The following NFATC2 variants were observed in gnomAD, a reference collection of about 807,000 sequenced individuals.
The protein encoded by NFATC2 is nuclear factor of activated T-cells, cytoplasmic 2.
NFATC2 carries 22 observed loss-of-function variants against 87.3 expected under a neutral mutation model. The ratio of observed to expected loss-of-function variants is 0.25; its 90% confidence interval spans 0.18 to 0.36. The LOEUF is 0.36. NFATC2 is among the 10% of genes least tolerant of loss of function. The pLI is 1.00. For missense variants in NFATC2, 1,149 were observed against 1,259.1 expected (o/e 0.91, Z 1.32); for synonymous variants, 565 against 542.2 (o/e 1.04, Z -0.58).
At chr20:51,473,210 C>T (rs1988398344) in intron 5 of NFATC2, among the ~76,000 whole-genome samples, 1 of 152,152 alleles carries the variant, frequency 6.6e-6, no homozygotes, top group Non-Finnish European at 1.5e-5. Context: ...TCTGGGTGTC[C>T]TTATCCTCTC....
intron 1 of NFATC2, among the ~76,000 whole-genome samples, chr20:51,525,919 A>ACCGACC (rs2076537584): frequency 9.9e-6 from 1 of 101,030 alleles, no homozygotes; most frequent in Admixed American, 1.1e-4. Context: ...CCGGCCTGCC[A>ACCGACC]CCCACCCCCA....
chr20:51,534,493 C>T (rs990953188), intron 1 of NFATC2, among the ~76,000 whole-genome samples: 4 of 152,180 alleles, frequency 2.6e-5, no homozygotes, highest in Non-Finnish European at 5.9e-5. Context: ...TGCCACCATG[C>T]CCAGCTAATT....
At chr20:51,488,913 G>A (rs183942319) in intron 3 of NFATC2, among the ~76,000 whole-genome samples, 3 of 152,358 alleles carry the variant, frequency 2.0e-5, no homozygotes, top group Non-Finnish European at 4.4e-5. Context: ...TTCAAGCTGG[G>A]CGCAGTGGCT....
intron 6 of NFATC2, among the ~76,000 whole-genome samples, chr20:51,453,794 A>C: frequency 6.6e-6 from 1 of 152,222 alleles, no homozygotes; most frequent in East Asian, 1.9e-4. Flanking sequence ...TGGGGGTGAA[A>C]CTATGACTGA....
At chr20:51,477,622 G>T (rs1172328629) in intron 3 of NFATC2, among the ~76,000 whole-genome samples, 1 of 139,120 alleles carries the variant, frequency 7.2e-6, no homozygotes. Flanking sequence ...AGAGTTTGAT[G>T]ATGTGTTCCT....
At chr20:51,557,712 G>C (rs2076990273) in intron 1 of NFATC2, among the ~76,000 whole-genome samples, 1 of 152,124 alleles carries the variant, frequency 6.6e-6, no homozygotes. Flanking sequence ...GAATGCTGTG[G>C]TCCTAACAAG....
At chr20:51,506,944 G>C (rs2076193441) in intron 3 of NFATC2, among the ~76,000 whole-genome samples, 1 of 152,214 alleles carries the variant, frequency 6.6e-6, no homozygotes, top group Non-Finnish European at 1.5e-5. Flanking sequence ...CTAGGTCCAG[G>C]ACTCAGGTCA....
At chr20:51,412,728 G>A (rs1429298871) in intron 9 of NFATC2, among the ~76,000 whole-genome samples, 1 of 152,138 alleles carries the variant, frequency 6.6e-6, no homozygotes, top group African/African-American at 2.4e-5. Context: ...GGGTCCACGG[G>A]GATGCTATCT....
chr20:51,499,986 G>A (rs764701688), intron 3 of NFATC2, among the ~76,000 whole-genome samples: 2 of 152,058 alleles, frequency 1.3e-5, no homozygotes, highest in African/African-American at 4.8e-5. Context: ...GATCTGAGTC[G>A]TGGCTCTGCC....
Position 51,523,636 on chromosome 20 carries a change from C to A in NFATC2, c.605G>T (p.Cys202Phe), listed in dbSNP as rs758786028. ...SPNNGGPDDL[C>F]PQFQNIPAHY... ...AGCAGGGATGTTTTGAAACTGCGGA[C>A]ACAGGTCGTCGGGCCCGCCGTTATT... The change falls in exon 2 of 11, where the codon TGT becomes TTT. Residue 202 changes from cysteine to phenylalanine, a missense_variant. Cys to Phe is a radical substitution (Grantham distance 205). Coordinates refer to ENST00000371564, the MANE Select transcript of NFATC2 (RefSeq NM_012340.5). The surrounding 1 kb of genome is among the most constrained non-coding windows in gnomAD (Gnocchi z 6.9). 1.2e-6 allele frequency: 2 copies of A among 1,613,804 alleles called. No individual in the cohort carries two copies. The highest frequency in any genetic ancestry group is 1.1e-5 in the South Asian group (1 of 91,082).
At chr20:51,493,505 GAC>G (rs1264219642) in intron 3 of NFATC2, among the ~76,000 whole-genome samples, 15 of 152,172 alleles carry the variant, frequency 9.9e-5, no homozygotes, top group African/African-American at 2.2e-4. Flanking sequence ...GTCCCAGACT[GAC>G]ACAGTGAATC....
chr20:51,506,496 A>T (rs987111817), intron 3 of NFATC2, among the ~76,000 whole-genome samples: 1 of 62,744 alleles, frequency 1.6e-5, no homozygotes, highest in Non-Finnish European at 3.4e-5. Context: ...GTTCCTCCCC[A>T]CCCACCCAGC....
At chr20:51,528,008 G>A (rs2076572405) in intron 1 of NFATC2, among the ~76,000 whole-genome samples, 1 of 151,128 alleles carries the variant, frequency 6.6e-6, no homozygotes, top group Non-Finnish European at 1.5e-5. Flanking sequence ...AGAAGCTGAG[G>A]TGGGAGGATC....
chr20:51,461,280 C>G (rs975391076), intron 5 of NFATC2, among the ~76,000 whole-genome samples: 2 of 152,324 alleles, frequency 1.3e-5, no homozygotes, highest in South Asian at 2.1e-4. Context: ...CATCAGCCCC[C>G]CTTTCTCCCA....
chr20:51,427,378 A>C (rs918675648), intron 9 of NFATC2, among the ~76,000 whole-genome samples: 1 of 152,132 alleles, frequency 6.6e-6, no homozygotes, highest in African/African-American at 2.4e-5. Flanking sequence ...CATTTTATGC[A>C]AGGGAAGCTG....
At chr20:51,507,268 A>G (rs1254547878) in intron 3 of NFATC2, among the ~76,000 whole-genome samples, 3 of 152,198 alleles carry the variant, frequency 2.0e-5, no homozygotes, top group Non-Finnish European at 4.4e-5. Context: ...CAGGAATAAT[A>G]GCAGCCCCGA....
chr20:51,451,761 T>G (rs1985818823), intron 6 of NFATC2, among the ~76,000 whole-genome samples: 1 of 152,160 alleles, frequency 6.6e-6, no homozygotes. Context: ...TAAACTGCGC[T>G]TGCCAGGGAT....
intron 5 of NFATC2, among the ~76,000 whole-genome samples, chr20:51,472,097 T>C (rs550923397): frequency 6.6e-6 from 1 of 152,184 alleles, no homozygotes; most frequent in South Asian, 2.1e-4. Context: ...TACTAAAAAA[T>C]ACAAACAATT....
intron 6 of NFATC2, among the ~76,000 whole-genome samples, chr20:51,448,421 T>G (rs1212890556): frequency 6.6e-6 from 1 of 152,118 alleles, no homozygotes; most frequent in Non-Finnish European, 1.5e-5. Flanking sequence ...GCAGGCAGAT[T>G]ACGAGGTCAG....
Sources: gnomAD v4.1 joint callset for allele counts (sites outside exome capture counted in the v4.1 genomes callset) on GRCh38, gnomAD v4.1.1 for gene constraint, Gnocchi (gnomAD v3.1) non-coding constraint, MANE v1.5 for transcripts, NCBI Gene and HGNC (gene_info 2026-07-23, HGNC 2026-07-21) for gene names.